Variants in TFAP2B observed in about 807,000 individuals in gnomAD.
TFAP2B encodes the protein transcription factor AP-2 beta.
Under a neutral mutation model 44.3 loss-of-function variants are expected in TFAP2B, and 9 were observed. The ratio of observed to expected loss-of-function variants is 0.20; its 90% confidence interval spans 0.12 to 0.35. TFAP2B has a LOEUF of 0.35. Ranked by LOEUF, TFAP2B falls within the 10% of genes least tolerant of loss-of-function variation. TFAP2B has a pLI of 1.00. For missense variants in TFAP2B, 509 were observed against 600.0 expected (o/e 0.85, Z 1.59); for synonymous variants, 270 against 263.8 (o/e 1.02, Z -0.23).
upstream of TFAP2B, among the ~76,000 whole-genome samples, chr6:50,818,530 G>A (rs1411992268): frequency 2.6e-5 from 4 of 152,166 alleles, no homozygotes; most frequent in African/African-American, 7.2e-5. Context: ...CGATATAGAA[G>A]TTATAAAATG....
In TFAP2B at chr6:50,823,622, C is replaced by A; in HGVS notation, c.297C>A (p.His99Gln). Reference sequence around the variant, plus strand: ...ACCCCTACTCCCTGAACCCACTGCACCAGCCCCAGCAACATCCCTGGGGGC... The same window carrying A: ...ACCCCTACTCCCTGAACCCACTGCAACAGCCCCAGCAACATCCCTGGGGGC... ...VNDPYSLNPL[H>Q]QPQQHPWGQR... Residue 99 changes from histidine (H) to glutamine (Q), a missense_variant, in exon 2 of 7, where the codon CAC (histidine) becomes CAA (glutamine). Physicochemically the swap from His to Gln is conservative, Grantham distance 24. Around this residue, in one of 3 missense-constraint regions of TFAP2B, gnomAD observed 296 missense variants for 308.2 expected, o/e 0.96. Coordinates refer to ENST00000393655, the MANE Select transcript of TFAP2B (RefSeq NM_003221.4). 1 of 1,614,140 alleles carries A rather than the reference C, an allele frequency of 6.2e-7. No individual in the cohort carries two copies. Among genetic ancestry groups the A allele is most frequent in the Non-Finnish European group, 8.5e-7 (1 of 1,179,996 alleles).
intron 1 of TFAP2B, among the ~76,000 whole-genome samples, chr6:50,820,277 A>G (rs1367171487): frequency 1.3e-5 from 2 of 152,194 alleles, no homozygotes; most frequent in Non-Finnish European, 2.9e-5. Flanking sequence ...AGCCCGGCGC[A>G]GAGCCGCCTC....
In TFAP2B at chr6:50,819,681, C is replaced by A. The variant is rs1243065145; in HGVS notation, c.81+709C>A. On this transcript the variant is annotated intron_variant, in intron 1 of 6. Coordinates refer to ENST00000393655, the MANE Select transcript of TFAP2B (RefSeq NM_003221.4). The stretch of plus-strand genomic sequence containing the variant: ...TAGCACTGAGGCTAGCTCAACTCTT[C>A]GGGGCAGGAGAAGTTGCGCCCAGCC... Among the ~76,000 whole-genome samples the A allele has an allele frequency of 2.0e-5, 3 of 152,214 alleles. No homozygotes were observed. The South Asian group carries it at 6.2e-4, about 32-fold the overall frequency.
chr6:50,846,983 A>C lies in TFAP2B; in HGVS notation c.*3591A>C, dbSNP rs1028299731. The stretch of plus-strand genomic sequence containing the variant: ...AAACTTTGGTCGAATGGAAAACTCG[A>C]AACCTCGAGCTTATCTACACACTGT... On this transcript the variant is annotated 3_prime_UTR_variant, in exon 7 of 7. Coordinates refer to ENST00000393655, the MANE Select transcript of TFAP2B (RefSeq NM_003221.4). 3 of 152,096 alleles carry C rather than the reference A, an allele frequency of 2.0e-5. No homozygotes were observed. The highest frequency in any genetic ancestry group is 7.3e-5 in the African/African-American group (3 of 41,196). The allele number at this position is 152,096 out of a possible 1,614,324, so 9.4% of individuals were successfully genotyped here. A position where few individuals can be genotyped will look rare whatever the true frequency, so the allele number is the denominator to read the frequency against.
chr6:50,827,638 C>T (rs192048268), intron 2 of TFAP2B, among the ~76,000 whole-genome samples: 84 of 152,238 alleles, frequency 5.5e-4, no homozygotes, highest in Non-Finnish European at 9.1e-4. Context: ...TTGGTCCCAA[C>T]TTAGGTTTTG....
chr6:50,821,594 C>A (rs556860101), intron 1 of TFAP2B, among the ~76,000 whole-genome samples: 1 of 152,274 alleles, frequency 6.6e-6, no homozygotes, highest in South Asian at 2.1e-4. Context: ...GAAGTTCTGC[C>A]TCTTTCCTGC....
intron 3 of TFAP2B, among the ~76,000 whole-genome samples, chr6:50,829,783 G>C (rs1020475752): frequency 6.6e-6 from 1 of 152,316 alleles, no homozygotes; most frequent in South Asian, 2.1e-4. Context: ...TCCAAACAGG[G>C]TGAGGTATTC....
Position 50,843,215 on chromosome 6 carries a change from G to C in TFAP2B, c.1206G>C (p.Thr402=). The change falls in exon 7 of 7, where the codon ACG becomes ACC. Residue 402 remains threonine, a synonymous_variant. Transcript: ENST00000393655. ...QSCLTHFSLI[T]HGFGAPAICA... ...GCCTCACGCACTTCAGCCTCATCAC[G>C]CACGGCTTCGGCGCCCCGGCCATTT... The C allele has an allele frequency of 6.2e-7, 1 of 1,614,136 alleles. No homozygotes were observed. The highest frequency in any genetic ancestry group is 1.1e-5 in the South Asian group (1 of 91,072).
intron 3 of TFAP2B, among the ~76,000 whole-genome samples, chr6:50,829,733 A>G (rs1421314462): frequency 6.6e-6 from 1 of 152,238 alleles, no homozygotes; most frequent in Non-Finnish European, 1.5e-5. Flanking sequence ...TAATTCATCC[A>G]GACTCAAATG....
intron 1 of TFAP2B, among the ~76,000 whole-genome samples, chr6:50,820,144 G>A (rs985986443): frequency 6.6e-6 from 1 of 152,204 alleles, no homozygotes; most frequent in Admixed American, 6.5e-5. Flanking sequence ...AAGGAAGGAA[G>A]AGAAGCAGAC....
chr6:50,835,065 C>T (rs1412627652), intron 3 of TFAP2B, among the ~76,000 whole-genome samples: 1 of 152,236 alleles, frequency 6.6e-6, no homozygotes, highest in Non-Finnish European at 1.5e-5. Flanking sequence ...GCAGATGACA[C>T]TGAAACACAA....
intron 2 of TFAP2B, among the ~76,000 whole-genome samples, chr6:50,826,566 A>AGCGCGCGCGC (rs547861744): frequency 3.4e-4 from 49 of 143,926 alleles, no homozygotes; most frequent in Admixed American, 3.3e-3. Flanking sequence ...ATTGTGCATG[A>AGCGCGCGCGC]GCGCGCGCGC....
rs1770424435 is a variant in TFAP2B at position 50,823,726 on chromosome 6, G to T, written c.401G>T (p.Gly134Val). ...QPRAALPQLSGLDPRRDYHSV... is the reference protein window; with the variant it reads ...QPRAALPQLSVLDPRRDYHSV... ...CGGGCCGCCTTGCCCCAGCTCTCGG[G>T]CCTTGACCCCCGGAGGGACTACCAC... Residue 134 changes from glycine (G) to valine (V), a missense_variant, in exon 2 of 7, where the codon GGC becomes GTC. Gly to Val is a moderately radical substitution (Grantham distance 109, BLOSUM62 -3). Coordinates refer to ENST00000393655, the MANE Select transcript of TFAP2B (RefSeq NM_003221.4). 3 of 1,612,182 alleles carry T rather than the reference G, an allele frequency of 1.9e-6. No individual in the cohort carries two copies. The highest frequency in any genetic ancestry group is 1.7e-4 in the Middle Eastern group (1 of 6,060).
At chr6:50,818,442 A>G (rs1371815538), upstream of TFAP2B, among the ~76,000 whole-genome samples, 2 of 152,182 alleles carry the variant, frequency 1.3e-5, no homozygotes, top group Non-Finnish European at 2.9e-5. Context: ...TACATAGAAA[A>G]TAGGGGACTG....
At chr6:50,823,929 G>A in intron 2 of TFAP2B, 64 bp downstream of exon 2, 1 of 1,504,878 alleles carries the variant, frequency 6.6e-7, no homozygotes, top group Non-Finnish European at 8.9e-7. Context: ...TTCTGGAGGG[G>A]GGGAGGTCAG....
chr6:50,831,065 T>C (rs547790889), intron 3 of TFAP2B, among the ~76,000 whole-genome samples: 1 of 152,144 alleles, frequency 6.6e-6, no homozygotes, highest in Non-Finnish European at 1.5e-5. Context: ...ATGATGCATG[T>C]CTCTATCTCT....
At position 50,843,274 on chromosome 6, in the gene TFAP2B, C is replaced by T; in HGVS notation, c.1265C>T (p.Thr422Ile). 1 of 1,614,182 alleles carries T rather than the reference C, an allele frequency of 6.2e-7. No homozygotes were observed. Among genetic ancestry groups the T allele is most frequent in the Non-Finnish European group, 8.5e-7 (1 of 1,180,048 alleles). The stretch of plus-strand genomic sequence containing the variant: ...CTCACGGCCCTGCAGAACTATCTCA[C>T]CGAGGCGCTCAAAGGCATGGACAAG... The part of the protein sequence containing the change: ...AALTALQNYL[T>I]EALKGMDKMF... Residue 422 changes from threonine to isoleucine, a missense_variant, in exon 7 of 7, where the codon ACC becomes ATC. Physicochemically the swap from Thr to Ile is moderately conservative, Grantham distance 89. Transcript: ENST00000393655.
At chr6:50,841,490 A>G (rs926389943) in intron 6 of TFAP2B, among the ~76,000 whole-genome samples, 1 of 152,096 alleles carries the variant, frequency 6.6e-6, no homozygotes, top group Non-Finnish European at 1.5e-5. Context: ...TTTAGGGAAA[A>G]AAATAAAACC....
At chr6:50,821,409 GT>G (rs1268813461) in intron 1 of TFAP2B, among the ~76,000 whole-genome samples, 2 of 152,224 alleles carry the variant, frequency 1.3e-5, no homozygotes, top group East Asian at 3.9e-4. Context: ...TTTTTATTTT[GT>G]TTTTGTAATC....
Sources: gnomAD v4.1 joint callset for allele counts (sites outside exome capture counted in the v4.1 genomes callset) on GRCh38, gnomAD v4.1.1 for gene constraint, gnomAD v4.1.1 regional missense constraint, MANE v1.5 for transcripts, NCBI Gene and HGNC (gene_info 2026-07-23, HGNC 2026-07-21) for gene names.